Variants in SEC14L1 observed in about 807,000 individuals in gnomAD.
The protein encoded by SEC14L1 is SEC14 like lipid binding 1.
Under a neutral mutation model 85.3 loss-of-function variants are expected in SEC14L1, and 48 were observed. That is an observed-to-expected ratio of 0.56 (90% CI 0.45 to 0.72). SEC14L1 has a LOEUF of 0.72. SEC14L1 is among the 30% of genes least tolerant of loss of function. The pLI is 0.00. For synonymous variants in SEC14L1, 391 were observed against 355.5 expected (o/e 1.10, Z -1.12); for missense variants, 682 against 921.4 (o/e 0.74, Z 3.36).
In SEC14L1 at chr17:77,200,481, T is replaced by C; in HGVS notation, c.820-3T>C. 1 of 1,612,246 alleles carries C rather than the reference T, an allele frequency of 6.2e-7. No homozygotes were observed. Among genetic ancestry groups the C allele is most frequent in the Middle Eastern group, 1.7e-4 (1 of 6,034 alleles). ...GCTTAGAAATGTCTTTTTCTCTTAA[T>C]AGATTCCAAAAGATGAGCATATTCT... is the stretch of plus-strand genomic sequence containing the variant. On this transcript the variant is annotated splice_region_variant and splice_polypyrimidine_tract_variant and intron_variant, in intron 8 of 16. Coordinates refer to ENST00000436233, the MANE Select transcript of SEC14L1 (RefSeq NM_001143998.2).
Position 77,215,403 on chromosome 17 carries a change from C to T in SEC14L1, c.*1380C>T. The stretch of plus-strand genomic sequence containing the variant: ...GTTTTTCATGCCAAACCCCACGCGG[C>T]TGTCAACTGTGTGCGTGGTAGGCAT... On this transcript the variant is annotated 3_prime_UTR_variant, in exon 17 of 17. Coordinates refer to ENST00000436233, the MANE Select transcript of SEC14L1 (RefSeq NM_001143998.2). The T allele has an allele frequency of 1.0e-6, 1 of 985,450 alleles. No homozygotes were observed. The highest frequency in any genetic ancestry group is 1.2e-6 in the Non-Finnish European group (1 of 829,962). The allele number at this position is 985,450 out of a possible 1,614,324, so 61.0% of individuals were successfully genotyped here. A position where few individuals can be genotyped will look rare whatever the true frequency, so the allele number is the denominator to read the frequency against.
At chr17:77,137,739 C>T (rs879401053), upstream of SEC14L1, among the ~76,000 whole-genome samples, 12 of 152,216 alleles carry the variant, frequency 7.9e-5, no homozygotes, top group South Asian at 4.1e-4. Flanking sequence ...TAAACCAATA[C>T]GTGCTTTCAC....
At chr17:77,113,575 C>T (rs1292575330) in intron 3 of SEC14L1, among the ~76,000 whole-genome samples, 1 of 152,086 alleles carries the variant, frequency 6.6e-6, no homozygotes, top group Non-Finnish European at 1.5e-5. Flanking sequence ...GAAACCCTGT[C>T]TCTACTAAAA....
chr17:77,127,655 GT>G (rs796603002), intron 3 of SEC14L1, among the ~76,000 whole-genome samples: 207 of 152,000 alleles, frequency 1.4e-3, no homozygotes, highest in African/African-American at 4.9e-3. Context: ...TGGCCAAGGG[GT>G]TTTTTTTCTA....
At chr17:77,110,714 A>G (rs977970853) in intron 3 of SEC14L1, among the ~76,000 whole-genome samples, 1 of 149,588 alleles carries the variant, frequency 6.7e-6, no homozygotes, top group Non-Finnish European at 1.5e-5. Context: ...CCCCATCTCT[A>G]CTAAAAAAAA....
chr17:77,197,179 T>A (rs1004190827), intron 8 of SEC14L1, among the ~76,000 whole-genome samples: 8 of 152,364 alleles, frequency 5.3e-5, no homozygotes, highest in Middle Eastern at 3.4e-3. Flanking sequence ...GGCCACATGC[T>A]TTTGAGTTAT....
At chr17:77,173,540 G>A (rs1287808835) in intron 3 of SEC14L1, among the ~76,000 whole-genome samples, 1 of 152,118 alleles carries the variant, frequency 6.6e-6, no homozygotes, top group Admixed American at 6.5e-5. Context: ...GAGGTGGACA[G>A]GCCCCTGCCG....
At chr17:77,094,902 T>C (rs755531197) in intron 3 of SEC14L1, 2 of 152,190 alleles carry the variant, frequency 1.3e-5, no homozygotes, top group African/African-American at 2.4e-5. Context: ...TTGCCCAAAG[T>C]AATATATTGT....
Position 77,214,458 on chromosome 17 carries a change from T to TGCCTCATGGCCCGCACGCC in SEC14L1, c.*442_*460dup, listed in dbSNP as rs1385688340. On this transcript the variant is annotated 3_prime_UTR_variant, in exon 17 of 17. Transcript: ENST00000436233. Reference sequence around the variant, plus strand: ...AGCTGCCAGCTCGCTTCCCCCAAGCTGCCTCATGGCCCGCACGCCGCCTCA... The same window carrying TGCCTCATGGCCCGCACGCC: ...AGCTGCCAGCTCGCTTCCCCCAAGCTGCCTCATGGCCCGCACGCCGCCTCATGGCCCGCACGCCGCCTCA... The TGCCTCATGGCCCGCACGCC allele has an allele frequency of 1.1e-4, 110 of 1,003,632 alleles. No homozygotes were observed. Among genetic ancestry groups the TGCCTCATGGCCCGCACGCC allele is most frequent in the Non-Finnish European group, 1.2e-4 (104 of 840,320 alleles). The allele number at this position is 1,003,632 out of a possible 1,614,324, so 62.2% of individuals were successfully genotyped here.
At position 77,213,151 on chromosome 17, in the gene SEC14L1, A is replaced by C. The variant is rs2143231854; in HGVS notation, c.1864-163A>C. Among the ~76,000 whole-genome samples the C allele has an allele frequency of 1.3e-5, 2 of 152,376 alleles. No individual in the cohort carries two copies. The highest frequency in any genetic ancestry group is 2.9e-5 in the Non-Finnish European group (2 of 68,038). On this transcript the variant is annotated intron_variant, in intron 15 of 16. Coordinates refer to ENST00000436233, the MANE Select transcript of SEC14L1 (RefSeq NM_001143998.2). The surrounding 1 kb of genome is among the most constrained non-coding windows in gnomAD (Gnocchi z 7.1). ...ACTCAGTAGAGGGAAGGACATTGTC[A>C]AACCTGCTGCTGAAGCAAAATAGCA...
Position 77,206,317 on chromosome 17 carries a change from G to T in SEC14L1, c.1258G>T (p.Val420Leu). Reference sequence around the variant, plus strand: ...GAAAGCGCTGCTGCGGATCATCGAGGTGGTGGAGGCCAACTACCCTGAGAC... The same window carrying T: ...GAAAGCGCTGCTGCGGATCATCGAGTTGGTGGAGGCCAACTACCCTGAGAC... ...GVKALLRIIE[V>L]VEANYPETLG... Residue 420 changes from valine to leucine, a missense_variant, in exon 12 of 17, where the codon GTG becomes TTG. Transcript: ENST00000436233. This position sits in a 1 kb window ranked among gnomAD's most constrained non-coding sequence, Gnocchi z 4.3. 6.2e-7 allele frequency: 1 copy of T among 1,614,120 alleles called. No homozygotes were observed. Among genetic ancestry groups the T allele is most frequent in the Admixed American group, 1.7e-5 (1 of 60,014 alleles).
intron 13 of SEC14L1, among the ~76,000 whole-genome samples, chr17:77,208,998 T>C (rs1976604398): frequency 6.6e-6 from 1 of 152,010 alleles, no homozygotes; most frequent in Admixed American, 6.6e-5. Context: ...AACTCTTTTC[T>C]TAAAGTAATA....
At chr17:77,196,137 C>A in intron 7 of SEC14L1, 65 bp from the exon 8 acceptor site, 1 of 1,309,474 alleles carries the variant, frequency 7.6e-7, no homozygotes, top group South Asian at 1.2e-5. Context: ...CCACTGAGCA[C>A]AAAGACTTTG....
chr17:77,166,591 G>C (rs1328022176), intron 3 of SEC14L1, among the ~76,000 whole-genome samples: 1 of 152,228 alleles, frequency 6.6e-6, no homozygotes, highest in Non-Finnish European at 1.5e-5. Context: ...TGTAATCCCA[G>C]CACTTTGGGA....
intron 3 of SEC14L1, 65 bp downstream of exon 3, chr17:77,143,724 G>A: frequency 8.4e-7 from 1 of 1,185,536 alleles, no homozygotes; most frequent in Non-Finnish European, 1.2e-6. Flanking sequence ...GTTAGAATTT[G>A]ATGATCTATA....
intron 3 of SEC14L1, among the ~76,000 whole-genome samples, chr17:77,117,126 T>C (rs1972187447): frequency 3.3e-5 from 5 of 152,132 alleles, no homozygotes; most frequent in African/African-American, 1.2e-4. Flanking sequence ...GGCGGGTGGA[T>C]CACGTGAGGT....
At chr17:77,161,744 C>G (rs1974066508) in intron 3 of SEC14L1, among the ~76,000 whole-genome samples, 1 of 134,072 alleles carries the variant, frequency 7.5e-6, no homozygotes, top group Non-Finnish European at 1.5e-5. Flanking sequence ...TTTAAACAAC[C>G]AGAGGTTAAG....
chr17:77,200,810 C>T, intron 9 of SEC14L1, 137 bp downstream of exon 9: 1 of 830,714 alleles, frequency 1.2e-6, no homozygotes, highest in Non-Finnish European at 1.9e-6. Flanking sequence ...GAATTTGGCA[C>T]CTTTCCCAAG....
Position 77,216,596 on chromosome 17 carries a change from C to G in SEC14L1, c.*2573C>G. The stretch of plus-strand genomic sequence containing the variant: ...CCAAGAAAATGCTTCACTCAACAGT[C>G]CTCATGTGCCCAGAGATGTTTATAG... On this transcript the variant is annotated 3_prime_UTR_variant, in exon 17 of 17. Transcript: ENST00000436233. The G allele has an allele frequency of 1.2e-6, 2 of 1,613,306 alleles. No individual in the cohort carries two copies. Among genetic ancestry groups the G allele is most frequent in the Non-Finnish European group, 1.7e-6 (2 of 1,179,448 alleles).
Sources: allele counts gnomAD v4.1 joint callset (sites outside exome capture counted in the v4.1 genomes callset), GRCh38; gene constraint gnomAD v4.1.1; non-coding constraint Gnocchi (gnomAD v3.1); transcripts MANE v1.5; gene names NCBI Gene and HGNC (gene_info 2026-07-23, HGNC 2026-07-21).